TPD52L2: variants seen among roughly 807,000 people sequenced by gnomAD.
TPD52L2 encodes the protein tumor protein D54.
Under a neutral mutation model 24.7 loss-of-function variants are expected in TPD52L2, and 19 were observed. The observed-to-expected ratio is 0.77, with a 90% CI of 0.54 to 1.13. The LOEUF (loss-of-function observed/expected upper bound fraction) is 1.13. Among genes scored for constraint, TPD52L2 ranks in the 50% most tolerant of loss-of-function variants. TPD52L2 has a pLI of 0.00. For synonymous variants in TPD52L2, 104 were observed against 100.2 expected (o/e 1.04, Z -0.23); for missense variants, 236 against 250.4 (o/e 0.94, Z 0.39).
chr20:63,875,208 C>A (rs2146203204), intron 3 of TPD52L2, among the ~76,000 whole-genome samples: 1 of 151,298 alleles, frequency 6.6e-6, no homozygotes, highest in East Asian at 1.9e-4. Context: ...ACCCTAGGGA[C>A]TCTGACCCTC....
Position 63,865,316 on chromosome 20 carries a change from C to T in TPD52L2, c.-50C>T. The T allele has an allele frequency of 1.3e-6, 2 of 1,501,598 alleles. No individual in the cohort carries two copies. The highest frequency in any genetic ancestry group is 1.8e-6 in the Non-Finnish European group (2 of 1,131,316). 93.0% of individuals were successfully genotyped at this position (1,501,598 alleles called of 1,614,324 possible). On this transcript the variant is annotated 5_prime_UTR_variant, in exon 1 of 7. Transcript: ENST00000346249. ...CGCGGCGAGCTTCTCCCGGCGCCGC[C>T]CGCTCGGCTCCCATAGCGCCCGCGA...
At chr20:63,885,686 C>T (rs1283678699) in intron 5 of TPD52L2, among the ~76,000 whole-genome samples, 1 of 152,326 alleles carries the variant, frequency 6.6e-6, no homozygotes, top group South Asian at 2.1e-4. Context: ...GGTGCTGTGG[C>T]TTCTCCAAAC....
At chr20:63,867,945 C>CT (rs200842956) in intron 1 of TPD52L2, among the ~76,000 whole-genome samples, 139 of 142,860 alleles carry the variant, frequency 9.7e-4, no homozygotes, top group African/African-American at 2.7e-3. Context: ...ACCAGTTTTT[C>CT]TTTTTTTTTT....
rs767670239 is a variant in TPD52L2 at position 63,891,363 on chromosome 20, C to G, written c.*1418C>G. The G allele has an allele frequency of 6.6e-6, 1 of 152,528 alleles. No individual in the cohort carries two copies. Among genetic ancestry groups the G allele is most frequent in the Non-Finnish European group, 1.5e-5 (1 of 68,134 alleles). 9.4% of individuals were successfully genotyped at this position (152,528 alleles called of 1,614,324 possible). A position where few individuals can be genotyped will look rare whatever the true frequency, so the allele number is the denominator to read the frequency against. ...ACCCTTGGGGATGGCACTCCACACA[C>G]GACAGAGATGCAGGGGCCAGGGAAG... On this transcript the variant is annotated 3_prime_UTR_variant, in exon 7 of 7. Coordinates refer to ENST00000346249, the MANE Select transcript of TPD52L2 (RefSeq NM_003288.4). This position sits in a 1 kb window ranked among gnomAD's most constrained non-coding sequence, Gnocchi z 4.7.
chr20:63,874,653 G>A (rs2052598288), intron 3 of TPD52L2, among the ~76,000 whole-genome samples: 1 of 152,112 alleles, frequency 6.6e-6, no homozygotes, highest in Admixed American at 6.6e-5. Context: ...GGGATTACAC[G>A]TGTGAGCCAC....
chr20:63,876,977 C>T, intron 4 of TPD52L2: 2 of 453,588 alleles, frequency 4.4e-6, no homozygotes, highest in Non-Finnish European at 8.8e-6. Context: ...CATCTGGGTG[C>T]TCTGGGGACC....
intron 2 of TPD52L2, among the ~76,000 whole-genome samples, chr20:63,872,706 T>C (rs1383057277): frequency 6.9e-6 from 1 of 145,424 alleles, no homozygotes; most frequent in Admixed American, 6.9e-5. Flanking sequence ...TTGTTGTTGT[T>C]GTTTTGTTTT....
intron 4 of TPD52L2, among the ~76,000 whole-genome samples, chr20:63,881,161 A>C (rs1460469572): frequency 6.6e-6 from 1 of 152,116 alleles, no homozygotes; most frequent in Non-Finnish European, 1.5e-5. Flanking sequence ...CAGGAGTTCA[A>C]GACCAGCCTG....
At chr20:63,872,016 A>G (rs1487649796) in intron 2 of TPD52L2, among the ~76,000 whole-genome samples, 1 of 151,686 alleles carries the variant, frequency 6.6e-6, no homozygotes, top group African/African-American at 2.4e-5. Flanking sequence ...AAAGCTTTGA[A>G]TGATGCCCCT....
chr20:63,881,799 C>G (rs548904002), intron 4 of TPD52L2, among the ~76,000 whole-genome samples: 2 of 152,290 alleles, frequency 1.3e-5, no homozygotes, highest in East Asian at 3.9e-4. Context: ...GCATTTTGGA[C>G]TTTGTTATGT....
intron 3 of TPD52L2, among the ~76,000 whole-genome samples, chr20:63,874,375 T>A (rs55750609): frequency 0.017 from 2,552 of 150,784 alleles, 67 homozygotes; most frequent in African/African-American, 0.056. Context: ...TTTTTTTTTT[T>A]TTATTATTAT....
At chr20:63,874,274 G>T (rs1241211527) in intron 3 of TPD52L2, among the ~76,000 whole-genome samples, 1 of 150,428 alleles carries the variant, frequency 6.6e-6, no homozygotes, top group Admixed American at 6.6e-5. Flanking sequence ...TAGAGATGGG[G>T]TTTCACCATG....
At chr20:63,873,487 CA>C (rs111933772) in intron 2 of TPD52L2, among the ~76,000 whole-genome samples, 180 bp from the exon 3 acceptor site, 28,762 of 119,538 alleles carry the variant, frequency 0.24, 3,124 homozygotes, top group African/African-American at 0.36. Flanking sequence ...AACTCCATCT[CA>C]AAAAAAAAAA....
chr20:63,887,167 T>C lies in TPD52L2; in HGVS notation c.477-2023T>C, dbSNP rs1366633308. The C allele has an allele frequency of 1.2e-4, 40 of 326,200 alleles. No homozygotes were observed. In the Admixed American group the frequency reaches 1.7e-3, roughly 14 times the overall value. The allele number at this position is 326,200 out of a possible 1,614,324, so 20.2% of individuals were successfully genotyped here. ...GTGCCCTTCTGCTGGAACCGGGAGG[T>C]CTAGAGCCAGGCCCAGAACAATCTG... On this transcript the variant is annotated intron_variant, in intron 5 of 6. Coordinates refer to ENST00000346249, the MANE Select transcript of TPD52L2 (RefSeq NM_003288.4).
chr20:63,873,925 G>C, intron 3 of TPD52L2, 109 bp downstream of exon 3: 1 of 1,268,420 alleles, frequency 7.9e-7, no homozygotes, highest in Admixed American at 3.6e-5. Context: ...TGCAGCCGTG[G>C]AGTTGAGTGG....
At chr20:63,869,238 C>G (rs910951819) in intron 1 of TPD52L2, 58 bp from the exon 2 acceptor site, 2 of 1,602,474 alleles carry the variant, frequency 1.2e-6, no homozygotes, top group Non-Finnish European at 1.7e-6. Context: ...AGACCTCTAC[C>G]GTATTTACTT....
chr20:63,885,447 T>G (rs6011202), intron 5 of TPD52L2, among the ~76,000 whole-genome samples: 3,619 of 152,330 alleles, frequency 0.024, 146 homozygotes, highest in African/African-American at 0.083. Flanking sequence ...GCAGCTGCCC[T>G]TGGACACACA....
At chr20:63,874,701 A>G (rs1473045574) in intron 3 of TPD52L2, among the ~76,000 whole-genome samples, 2 of 151,920 alleles carry the variant, frequency 1.3e-5, no homozygotes, top group African/African-American at 4.8e-5. Context: ...AAAGGCAGAC[A>G]CACTGGCTAG....
intron 2 of TPD52L2, 138 bp from the exon 3 acceptor site, chr20:63,873,530 G>GT: frequency 1.1e-6 from 1 of 936,412 alleles, no homozygotes; most frequent in Non-Finnish European, 1.6e-6. Flanking sequence ...GATGTCTGCT[G>GT]TAGATGCTGT....
Sources: allele counts gnomAD v4.1 joint callset (sites outside exome capture counted in the v4.1 genomes callset), GRCh38; gene constraint gnomAD v4.1.1; non-coding constraint Gnocchi (gnomAD v3.1); transcripts MANE v1.5; gene names NCBI Gene and HGNC (gene_info 2026-07-23, HGNC 2026-07-21).